Variants in DLGAP2 observed in about 807,000 individuals in gnomAD.
DLGAP2 encodes the protein DLG associated protein 2, also known as disks large-associated protein 2.
In DLGAP2, 26 loss-of-function variants were observed where a neutral mutation model predicts 100.3. The ratio of observed to expected loss-of-function variants is 0.26; its 90% confidence interval spans 0.19 to 0.36. The LOEUF (loss-of-function observed/expected upper bound fraction) is 0.36. Ranked by LOEUF, DLGAP2 falls within the 10% of genes least tolerant of loss-of-function variation. The probability of loss-of-function intolerance (pLI) is 1.00; values close to 1 mark genes in which losing one functional copy is unlikely to be tolerated. For synonymous variants in DLGAP2, 886 were observed against 630.1 expected (o/e 1.41, Z -6.08); for missense variants, 1,858 against 1,453.2 (o/e 1.28, Z -4.53).
intron 1 of DLGAP2, among the ~76,000 whole-genome samples, chr8:827,693 G>T (rs574195342): frequency 3.3e-5 from 5 of 152,296 alleles, no homozygotes; most frequent in African/African-American, 1.2e-4. Flanking sequence ...CAATAATTCT[G>T]AATGTAGAAA....
At chr8:1,028,245 G>C (rs1260754358) in intron 2 of DLGAP2, among the ~76,000 whole-genome samples, 3 of 137,766 alleles carry the variant, frequency 2.2e-5, no homozygotes, top group African/African-American at 2.8e-5. Context: ...TTCTCCAGGT[G>C]GGGTGTCAGG....
At chr8:1,387,435 C>G (rs1374143846) in intron 3 of DLGAP2, among the ~76,000 whole-genome samples, 1 of 152,168 alleles carries the variant, frequency 6.6e-6, no homozygotes, top group African/African-American at 2.4e-5. Context: ...TACCTGGAGA[C>G]ACACATCACA....
chr8:1,525,370 T>C (rs1303723580), intron 4 of DLGAP2, among the ~76,000 whole-genome samples: 1 of 152,200 alleles, frequency 6.6e-6, no homozygotes, highest in African/African-American at 2.4e-5. Context: ...TTTTTCTGAA[T>C]GAAATTGATT....
chr8:1,341,806 C>T (rs1563093739), intron 3 of DLGAP2, among the ~76,000 whole-genome samples: 1 of 152,232 alleles, frequency 6.6e-6, no homozygotes, highest in Non-Finnish European at 1.5e-5. Flanking sequence ...GTCCCTCCAT[C>T]TGCAGGCCCT....
chr8:1,000,703 C>T (rs757827473), intron 2 of DLGAP2, among the ~76,000 whole-genome samples: 5 of 152,192 alleles, frequency 3.3e-5, no homozygotes, highest in African/African-American at 4.8e-5. Flanking sequence ...ATAAATTCTT[C>T]TCCAAGGTAT....
rs139495399 is a variant in DLGAP2, at chr8:1,313,777, C to G, written c.106+54894C>G. ...CAGATGTAGGAAGGCTGAATTATGT[C>G]TGGGGAGGGGAGAAGGAAGCAAGAT... On this transcript the variant is annotated intron_variant, in intron 3 of 14. Transcript: ENST00000637795. Among the ~76,000 whole-genome samples the G allele has an allele frequency of 1.9e-3, 292 of 152,116 alleles. 3 individuals are homozygous for G. The highest frequency in any genetic ancestry group is 6.8e-3 in the Middle Eastern group (2 of 294).
intron 4 of DLGAP2, among the ~76,000 whole-genome samples, chr8:1,523,539 G>T (rs912293827): frequency 6.6e-6 from 1 of 152,224 alleles, no homozygotes; most frequent in South Asian, 2.1e-4. Flanking sequence ...CCTGCCCCAG[G>T]CCGGCACCGC....
At chr8:1,203,192 C>T (rs563824130) in intron 2 of DLGAP2, among the ~76,000 whole-genome samples, 47 of 152,202 alleles carry the variant, frequency 3.1e-4, no homozygotes, top group Non-Finnish European at 3.7e-4. Flanking sequence ...GTGTCCTGCA[C>T]GAGGGGATTA....
chr8:1,514,518 A>C (rs188831385), intron 4 of DLGAP2, among the ~76,000 whole-genome samples: 2 of 152,368 alleles, frequency 1.3e-5, no homozygotes, highest in Admixed American at 1.3e-4. Context: ...GAATAGCGTT[A>C]ATATTTCAGT....
intron 1 of DLGAP2, among the ~76,000 whole-genome samples, chr8:763,070 A>C (rs189960754): frequency 5.2e-4 from 79 of 152,178 alleles, no homozygotes; most frequent in African/African-American, 1.7e-3. Context: ...ATTGGAGAAA[A>C]AAAAAAAGGG....
At chr8:1,508,743 G>A (rs1584967501) in intron 4 of DLGAP2, among the ~76,000 whole-genome samples, 2 of 151,120 alleles carry the variant, frequency 1.3e-5, no homozygotes, top group South Asian at 2.1e-4. Flanking sequence ...AGTGCCCGCA[G>A]GAGGCGCTGA....
chr8:1,339,167 G>T lies in DLGAP2; in HGVS notation c.106+80284G>T, dbSNP rs1453931304. On this transcript the variant is annotated intron_variant, in intron 3 of 14. Transcript: ENST00000637795. Reference sequence around the variant, plus strand: ...GCATCAGGACCCGGGAGGGAAGGCAGTGACCTCAGCGAGGCGTCAGGACGT... The same window carrying T: ...GCATCAGGACCCGGGAGGGAAGGCATTGACCTCAGCGAGGCGTCAGGACGT... Among the ~76,000 whole-genome samples, 3 of 149,714 alleles carry T rather than the reference G, an allele frequency of 2.0e-5. No individual in the cohort carries two copies. The East Asian group carries it at 5.9e-4, about 30-fold the overall frequency.
intron 3 of DLGAP2, among the ~76,000 whole-genome samples, chr8:1,371,210 G>A (rs575253093): frequency 2.0e-5 from 3 of 152,308 alleles, no homozygotes; most frequent in African/African-American, 7.2e-5. Context: ...CTCAGCACCT[G>A]GTCAGCAGTC....
chr8:848,941 A>G (rs1221198811), intron 1 of DLGAP2, among the ~76,000 whole-genome samples: 1 of 150,960 alleles, frequency 6.6e-6, no homozygotes, highest in Non-Finnish European at 1.5e-5. Flanking sequence ...GTTCCAGCAT[A>G]GGAACGCGCG....
chr8:1,182,814 C>T (rs1045835032), intron 2 of DLGAP2, among the ~76,000 whole-genome samples: 28 of 152,304 alleles, frequency 1.8e-4, no homozygotes, highest in Middle Eastern at 6.8e-3. Flanking sequence ...GGGTCGGCAA[C>T]TCTGGGCAGT....
intron 3 of DLGAP2, among the ~76,000 whole-genome samples, chr8:1,387,220 G>C (rs1471629583): frequency 6.6e-6 from 1 of 152,220 alleles, no homozygotes; most frequent in Non-Finnish European, 1.5e-5. Flanking sequence ...TTCATGCAGA[G>C]GGTGGAGAGA....
At chr8:1,606,070 A>C (rs1310448903) in intron 6 of DLGAP2, among the ~76,000 whole-genome samples, 1 of 152,112 alleles carries the variant, frequency 6.6e-6, no homozygotes, top group Non-Finnish European at 1.5e-5. Context: ...ATTATCGTTA[A>C]CTCTGCTGCC....
At chr8:1,087,477 C>T (rs920895614) in intron 2 of DLGAP2, among the ~76,000 whole-genome samples, 1 of 151,738 alleles carries the variant, frequency 6.6e-6, no homozygotes, top group Non-Finnish European at 1.5e-5. Flanking sequence ...CAGTATTTGG[C>T]AGGATGATTT....
At chr8:976,455 C>CA (rs544697851) in intron 2 of DLGAP2, among the ~76,000 whole-genome samples, 5 of 152,044 alleles carry the variant, frequency 3.3e-5, no homozygotes, top group South Asian at 4.2e-4. Context: ...ACTAAAAATA[C>CA]AAAAAAATTA....
Sources: gnomAD v4.1 joint callset for allele counts (sites outside exome capture counted in the v4.1 genomes callset) on GRCh38, gnomAD v4.1.1 for gene constraint, MANE v1.5 for transcripts, NCBI Gene and HGNC (gene_info 2026-07-23, HGNC 2026-07-21) for gene names.